Variants in GNAZ observed in about 807,000 individuals in gnomAD.
GNAZ encodes G protein subunit alpha z.
GNAZ carries 3 observed loss-of-function variants against 25.4 expected under a neutral mutation model. The ratio of observed to expected loss-of-function variants is 0.12; its 90% CI spans 0.05 to 0.30. GNAZ has a LOEUF of 0.30. GNAZ is among the 10% of genes least tolerant of loss of function. The pLI is 1.00. For synonymous variants in GNAZ, 211 were observed against 205.7 expected (o/e 1.03, Z -0.22); for missense variants, 241 against 501.8 (o/e 0.48, Z 4.97).
intron 2 of GNAZ, among the ~76,000 whole-genome samples, chr22:23,108,901 G>A (rs1260703433): frequency 1.3e-5 from 2 of 152,202 alleles, no homozygotes; most frequent in African/African-American, 2.4e-5. Flanking sequence ...TCTGTCCTTC[G>A]AGGCAGGAGA....
intron 1 of GNAZ, among the ~76,000 whole-genome samples, chr22:23,086,381 G>A (rs563789867): frequency 6.6e-6 from 1 of 152,360 alleles, no homozygotes; most frequent in South Asian, 2.1e-4. Context: ...AGCATGAGAT[G>A]ACGTGTGTGA....
intron 2 of GNAZ, among the ~76,000 whole-genome samples, chr22:23,099,180 C>T (rs1228600754): frequency 2.0e-5 from 3 of 152,274 alleles, no homozygotes; most frequent in Admixed American, 1.3e-4. Context: ...TGCGTCAGCA[C>T]GTTGCCAAGG....
intron 1 of GNAZ, among the ~76,000 whole-genome samples, chr22:23,086,346 G>A (rs979422073): frequency 6.6e-6 from 1 of 152,180 alleles, no homozygotes; most frequent in Non-Finnish European, 1.5e-5. Context: ...CCGTAAAGCC[G>A]AGGCCACCTC....
chr22:23,086,860 C>T (rs1159791527), intron 1 of GNAZ, among the ~76,000 whole-genome samples: 1 of 152,336 alleles, frequency 6.6e-6, no homozygotes, highest in African/African-American at 2.4e-5. Flanking sequence ...ACACCTGGCT[C>T]CTCAGCAACA....
chr22:23,078,476 C>T (rs76076537), intron 1 of GNAZ, among the ~76,000 whole-genome samples: 5,838 of 148,670 alleles, frequency 0.039, 371 homozygotes, highest in African/African-American at 0.13. Context: ...CTCCTGGCCA[C>T]ACTGACACCC....
intron 1 of GNAZ, among the ~76,000 whole-genome samples, chr22:23,092,233 G>A (rs1485119513): frequency 6.6e-6 from 1 of 152,196 alleles, no homozygotes; most frequent in East Asian, 1.9e-4. Flanking sequence ...GAGAGGGCTG[G>A]CTAGAGCCTT....
chr22:23,101,311 C>T (rs2146332454), intron 2 of GNAZ, among the ~76,000 whole-genome samples: 1 of 152,310 alleles, frequency 6.6e-6, no homozygotes, highest in Middle Eastern at 3.4e-3. Flanking sequence ...AGTGGCCCCC[C>T]TCTTCACCAT....
Position 23,095,438 on chromosome 22 carries a change from C to T in GNAZ, c.-258C>T, listed in dbSNP as rs1333959430. The T allele has an allele frequency of 2.0e-6, 1 of 509,856 alleles. No homozygotes were observed. Among genetic ancestry groups the T allele is most frequent in the Admixed American group, 3.6e-5 (1 of 27,532 alleles). 31.6% of individuals were successfully genotyped at this position (509,856 alleles called of 1,614,324 possible). On this transcript the variant is annotated 5_prime_UTR_variant, in exon 2 of 3. The change creates a premature stop within an existing upstream ORF in the 5' untranslated region. Transcript: ENST00000615612. ...AGGACAGGGAATGACTACGGCAAAT[C>T]AGGCCACTTTGCCAACTAGGGAGGT...
rs2070096376 is a variant in GNAZ at position 23,123,717 on chromosome 22, A to G, written c.*286A>G. Reference sequence around the variant, plus strand: ...AGACTTGAGAAGCTGTCACAAGGTCACTACAAGCCCAACCTGCCCCTTCAC... The same window carrying G: ...AGACTTGAGAAGCTGTCACAAGGTCGCTACAAGCCCAACCTGCCCCTTCAC... On this transcript the variant is annotated 3_prime_UTR_variant, in exon 3 of 3. Coordinates refer to ENST00000615612, the MANE Select transcript of GNAZ (RefSeq NM_002073.4). 4.6e-6 allele frequency: 2 copies of G among 434,710 alleles called. No homozygotes were observed. The highest frequency in any genetic ancestry group is 8.3e-6 in the Non-Finnish European group (2 of 239,546). The allele number at this position is 434,710 out of a possible 1,614,324, so 26.9% of individuals were successfully genotyped here.
At chr22:23,104,918 G>A (rs2069417327) in intron 2 of GNAZ, among the ~76,000 whole-genome samples, 1 of 152,212 alleles carries the variant, frequency 6.6e-6, no homozygotes, top group African/African-American at 2.4e-5. Context: ...GGGACACCCA[G>A]TGTTGGCCAG....
At chr22:23,072,283 G>A (rs893884874) in intron 1 of GNAZ, among the ~76,000 whole-genome samples, 2 of 152,148 alleles carry the variant, frequency 1.3e-5, no homozygotes, top group African/African-American at 4.8e-5. Context: ...CAGCCTGGGA[G>A]CATCCATCTA....
intron 1 of GNAZ, among the ~76,000 whole-genome samples, chr22:23,093,667 C>T (rs2069048746): frequency 6.6e-6 from 1 of 152,220 alleles, no homozygotes; most frequent in African/African-American, 2.4e-5. Context: ...CAGTGAGGGA[C>T]AGGCTCTGAG....
chr22:23,083,004 C>A (rs1003610901), intron 1 of GNAZ, among the ~76,000 whole-genome samples: 3 of 151,828 alleles, frequency 2.0e-5, no homozygotes, highest in African/African-American at 7.3e-5. Context: ...GGAAAGGGCA[C>A]GTGGGAGACT....
chr22:23,121,228 T>G (rs1339693717), intron 2 of GNAZ, among the ~76,000 whole-genome samples: 1 of 152,192 alleles, frequency 6.6e-6, no homozygotes, highest in Non-Finnish European at 1.5e-5. Context: ...CTCCTGTTAT[T>G]CCGAAGCTCA....
intron 1 of GNAZ, among the ~76,000 whole-genome samples, chr22:23,089,430 G>A (rs1253031611): frequency 6.6e-6 from 1 of 152,170 alleles, no homozygotes; most frequent in Non-Finnish European, 1.5e-5. Context: ...GTGACCATGG[G>A]TATTATGTTG....
At chr22:23,099,413 G>A (rs1345412263) in intron 2 of GNAZ, among the ~76,000 whole-genome samples, 1 of 152,258 alleles carries the variant, frequency 6.6e-6, no homozygotes, top group Non-Finnish European at 1.5e-5. Context: ...AGGCACCCCA[G>A]TGCCCCCAAG....
At chr22:23,082,977 G>A (rs1012216987) in intron 1 of GNAZ, among the ~76,000 whole-genome samples, 8 of 152,128 alleles carry the variant, frequency 5.3e-5, no homozygotes, top group Non-Finnish European at 1.0e-4. Flanking sequence ...AAGGTGGGGC[G>A]TGAGCTGGCT....
chr22:23,075,319 G>A lies in GNAZ; in HGVS notation c.-450+4749G>A, dbSNP rs552112747. On this transcript the variant is annotated intron_variant, in intron 1 of 2. Transcript: ENST00000615612. ...CACCATGGCCCAGGGAACCCAAAGT[G>A]AAAACTGCAGCAGGCAATTGCCTGC... Among the ~76,000 whole-genome samples the A allele has an allele frequency of 2.0e-5, 3 of 152,274 alleles. No homozygotes were observed. In the East Asian group the frequency reaches 5.8e-4, roughly 29 times the overall value.
chr22:23,096,474 A>G, intron 2 of GNAZ, 56 bp downstream of exon 2: 9 of 1,541,218 alleles, frequency 5.8e-6, no homozygotes, highest in Non-Finnish European at 7.9e-6. Flanking sequence ...GGTTCCTGGA[A>G]GCAAGAGGAC....
Sources: gnomAD v4.1 joint callset for allele counts (sites outside exome capture counted in the v4.1 genomes callset) on GRCh38, gnomAD v4.1.1 for gene constraint, MANE v1.5 for transcripts, NCBI Gene and HGNC (gene_info 2026-07-23, HGNC 2026-07-21) for gene names.